The following SH3PXD2B variants were observed in gnomAD, a reference collection of about 807,000 sequenced individuals.
SH3PXD2B encodes the protein SH3 and PX domain-containing protein 2B.
In SH3PXD2B, 37 loss-of-function variants were observed where a neutral mutation model predicts 73.1. The ratio of observed to expected loss-of-function variants is 0.51; its 90% CI spans 0.39 to 0.67. The LOEUF (loss-of-function observed/expected upper bound fraction) is 0.67. Among genes scored for constraint, SH3PXD2B ranks in the 30% least tolerant of loss-of-function variants. The pLI is 0.00. For synonymous variants in SH3PXD2B, 457 were observed against 480.5 expected, an observed-to-expected ratio of 0.95 and a Z score of 0.64; for missense variants, 1,053 against 1,197.8, an observed-to-expected ratio of 0.88 and a Z score of 1.78.
intron 2 of SH3PXD2B, among the ~76,000 whole-genome samples, chr5:172,416,331 C>CCT (rs1554140703): frequency 0.011 from 1,558 of 143,352 alleles, 40 homozygotes; most frequent in African/African-American, 0.039. Context: ...CCTGTCTCTA[C>CCT]TTTTTTTTTT....
At chr5:172,368,630 A>ATATATTATATATAAC (rs1554137059) in intron 6 of SH3PXD2B, among the ~76,000 whole-genome samples, 1 of 11,554 alleles carries the variant, frequency 8.7e-5, no homozygotes, top group Non-Finnish European at 1.2e-4. Context: ...ATATATATAT[A>ATATATTATATATAAC]ATATATATGT....
chr5:172,337,698 G>A lies in SH3PXD2B; in HGVS notation c.*671C>T. On this transcript the variant is annotated 3_prime_UTR_variant, in exon 13 of 13. Coordinates refer to ENST00000311601, the MANE Select transcript of SH3PXD2B (RefSeq NM_001017995.3). The stretch of plus-strand genomic sequence containing the variant: ...GGGGCTGGAACCACCCTTCAGGGCT[G>A]ACCACGGTCCCAAGATAGAAGGTGG... 1 of 991,246 alleles carries A rather than the reference G, an allele frequency of 1.0e-6. No individual in the cohort carries two copies. The highest frequency in any genetic ancestry group is 1.2e-6 in the Non-Finnish European group (1 of 833,472). The allele number at this position is 991,246 out of a possible 1,614,324, so 61.4% of individuals were successfully genotyped here.
chr5:172,344,019 T>C (rs1453095453), intron 12 of SH3PXD2B, among the ~76,000 whole-genome samples: 3 of 152,112 alleles, frequency 2.0e-5, no homozygotes, highest in Admixed American at 6.5e-5. Flanking sequence ...TGCTGGTATT[T>C]TGACCTCTTG....
intron 6 of SH3PXD2B, among the ~76,000 whole-genome samples, chr5:172,365,449 A>G (rs556103729): frequency 3.3e-5 from 5 of 152,298 alleles, no homozygotes; most frequent in Admixed American, 3.3e-4. Flanking sequence ...GTGAGAAAAG[A>G]TAAGATGACG....
intron 11 of SH3PXD2B, among the ~76,000 whole-genome samples, chr5:172,346,910 A>G (rs1188727053): frequency 1.3e-5 from 2 of 152,214 alleles, no homozygotes; most frequent in Non-Finnish European, 2.9e-5. Context: ...AGAATTTTAC[A>G]TAATGGATTA....
In SH3PXD2B at chr5:172,337,245, C is replaced by A; in HGVS notation, c.*1124G>T. 1.0e-6 allele frequency: 1 copy of A among 985,726 alleles called. No individual in the cohort carries two copies. Among genetic ancestry groups the A allele is most frequent in the Non-Finnish European group, 1.2e-6 (1 of 830,176 alleles). 61.1% of individuals were successfully genotyped at this position (985,726 alleles called of 1,614,324 possible). A position where few individuals can be genotyped will look rare whatever the true frequency, so the allele number is the denominator to read the frequency against. ...GGAGCAGCCACGAATGCCCCCTCAC[C>A]CCCCTCACAATGAAGCCACTTGGCC... is the stretch of plus-strand genomic sequence containing the variant. On this transcript the variant is annotated 3_prime_UTR_variant, in exon 13 of 13. Transcript: ENST00000311601.
intron 3 of SH3PXD2B, among the ~76,000 whole-genome samples, chr5:172,403,536 G>C (rs1758482924): frequency 6.6e-6 from 1 of 152,160 alleles, no homozygotes; most frequent in Admixed American, 6.5e-5. Context: ...GGTGCCTTGA[G>C]AAGGGACCAA....
intron 6 of SH3PXD2B, among the ~76,000 whole-genome samples, chr5:172,366,656 C>T (rs1022309732): frequency 2.0e-5 from 3 of 151,682 alleles, no homozygotes; most frequent in East Asian, 1.9e-4. Context: ...TTTTTTGAGA[C>T]GAAGTCTTGC....
intron 7 of SH3PXD2B, among the ~76,000 whole-genome samples, chr5:172,359,857 G>T (rs13182040): frequency 0.31 from 47,872 of 152,058 alleles, 8,045 homozygotes; most frequent in African/African-American, 0.43. Flanking sequence ...TAATCCCAGG[G>T]GTCCTTAATA....
chr5:172,326,436 C>T (rs993796895), intron 12 of SH3PXD2B, among the ~76,000 whole-genome samples: 2 of 152,086 alleles, frequency 1.3e-5, no homozygotes, highest in South Asian at 2.1e-4. Context: ...TTGAAGGCTT[C>T]GGAGTCTTTA....
chr5:172,445,336 G>T lies in SH3PXD2B; in HGVS notation c.75+8942C>A, dbSNP rs1759638675. Among the ~76,000 whole-genome samples, 1 of 152,236 alleles carries T rather than the reference G, an allele frequency of 6.6e-6. No individual in the cohort carries two copies. The highest frequency in any genetic ancestry group is 1.5e-5 in the Non-Finnish European group (1 of 68,038). ...CGATCTTCCTGCCTCAGCCTCTCAA[G>T]TAGCTGGGATTGCAGGCGAGAATCA... On this transcript the variant is annotated intron_variant, in intron 1 of 12. Transcript: ENST00000311601. This position sits in a 1 kb window ranked among gnomAD's most constrained non-coding sequence, Gnocchi z 5.2.
At position 172,339,852 on chromosome 5, in the gene SH3PXD2B, G is replaced by T. The variant is rs369606134; in HGVS notation, c.1253C>A (p.Pro418Gln). The change falls in exon 13 of 13, where the codon CCG becomes CAG. Residue 418 changes from proline (P) to glutamine (Q), a missense_variant. Physicochemically the swap from Pro to Gln is moderately conservative, Grantham distance 76. Transcript: ENST00000311601. The surrounding 1 kb of genome is among the most constrained non-coding windows in gnomAD (Gnocchi z 6.1). ...IQIEDKEGWA[P>Q]ATFIDKYKKT... ...CTTGTACTTGTCAATGAAGGTGGCC[G>T]GGGCCCACCCTTCCTTATCTTCAAT... 1 of 1,614,232 alleles carries T rather than the reference G, an allele frequency of 6.2e-7. No homozygotes were observed. The highest frequency in any genetic ancestry group is 8.5e-7 in the Non-Finnish European group (1 of 1,180,034).
At chr5:172,397,952 C>T (rs1030449142) in intron 3 of SH3PXD2B, among the ~76,000 whole-genome samples, 21 of 152,186 alleles carry the variant, frequency 1.4e-4, no homozygotes, top group African/African-American at 4.3e-4. Context: ...GCCGCTGCCA[C>T]GCCTCCTGAT....
At chr5:172,364,386 C>T (rs1253324423) in intron 6 of SH3PXD2B, among the ~76,000 whole-genome samples, 4 of 152,108 alleles carry the variant, frequency 2.6e-5, no homozygotes, top group African/African-American at 9.7e-5. Flanking sequence ...CCCAATTGGC[C>T]AGGCGTGGTG....
At chr5:172,359,247 C>A (rs1695187386) in intron 7 of SH3PXD2B, among the ~76,000 whole-genome samples, 1 of 151,736 alleles carries the variant, frequency 6.6e-6, no homozygotes, top group Non-Finnish European at 1.5e-5. Context: ...ATTAGCCAGG[C>A]ATGGTGGTGC....
chr5:172,349,849 C>T (rs1356383042), intron 10 of SH3PXD2B, among the ~76,000 whole-genome samples: 1 of 151,972 alleles, frequency 6.6e-6, no homozygotes. Context: ...CAACGCCTCC[C>T]CTTTTTTTTT....
chr5:172,390,423 C>T (rs1758154928), intron 4 of SH3PXD2B, among the ~76,000 whole-genome samples: 1 of 152,204 alleles, frequency 6.6e-6, no homozygotes, highest in South Asian at 2.1e-4. Context: ...CTTGCTCTGT[C>T]ACCCAGGCTG....
intron 1 of SH3PXD2B, among the ~76,000 whole-genome samples, chr5:172,441,369 G>A (rs1486157284): frequency 1.3e-5 from 2 of 152,238 alleles, no homozygotes; most frequent in African/African-American, 2.4e-5. Context: ...TCGGCCTGGG[G>A]CCAGCAGGGC....
At chr5:172,454,066 G>A (rs1759866791) in intron 1 of SH3PXD2B, among the ~76,000 whole-genome samples, 1 of 150,860 alleles carries the variant, frequency 6.6e-6, no homozygotes, top group Non-Finnish European at 1.5e-5. Flanking sequence ...AGGAAGGGAT[G>A]GAGGGGGAGA....
Sources: gnomAD v4.1 joint callset for allele counts (sites outside exome capture counted in the v4.1 genomes callset) on GRCh38, gnomAD v4.1.1 for gene constraint, Gnocchi (gnomAD v3.1) non-coding constraint, MANE v1.5 for transcripts, NCBI Gene and HGNC (gene_info 2026-07-23, HGNC 2026-07-21) for gene names.